The following CDH4 variants were observed in gnomAD, a reference collection of about 807,000 sequenced individuals.
CDH4 encodes cadherin 4.
A neutral mutation model predicts 86.0 loss-of-function variants in CDH4; 33 were observed. That is an observed-to-expected ratio of 0.38 (90% CI 0.29 to 0.51). The LOEUF (loss-of-function observed/expected upper bound fraction) is 0.51. Ranked by LOEUF, CDH4 falls within the 20% of genes least tolerant of loss-of-function variation. CDH4 has a pLI of 0.86. For missense variants in CDH4, 1,114 were observed against 1,307.4 expected (o/e 0.85, Z 2.28); for synonymous variants, 555 against 549.4 (o/e 1.01, Z -0.14).
At chr20:61,363,202 A>G (rs1414915949) in intron 2 of CDH4, among the ~76,000 whole-genome samples, 1 of 151,802 alleles carries the variant, frequency 6.6e-6, no homozygotes, top group Non-Finnish European at 1.5e-5. Context: ...TGAGCTGGCC[A>G]TTTTCTCATC....
In CDH4 at chr20:61,929,704, T is replaced by C. The variant is rs1305825960; in HGVS notation, c.2101T>C (p.Ser701Pro). The change falls in exon 13 of 16, where the codon TCC (serine) becomes CCC (proline). Residue 701 changes from serine (S) to proline (P), a missense_variant. Ser to Pro is a moderately conservative substitution (Grantham distance 74). Coordinates refer to ENST00000614565, the MANE Select transcript of CDH4 (RefSeq NM_001794.5). ...IVTDSGNPPLSNTSIIKVKVC... is the reference protein window; with the variant it reads ...IVTDSGNPPLPNTSIIKVKVC... ...CACAGACTCTGGAAACCCTCCCCTG[T>C]CCAACACGTCCATCATCAAAGTCAA... The C allele has an allele frequency of 6.2e-7, 1 of 1,614,144 alleles. No individual in the cohort carries two copies. Among genetic ancestry groups the C allele is most frequent in the Admixed American group, 1.7e-5 (1 of 60,022 alleles).
intron 2 of CDH4, among the ~76,000 whole-genome samples, chr20:61,413,447 T>C (rs1259453815): frequency 6.6e-6 from 1 of 152,124 alleles, no homozygotes; most frequent in Non-Finnish European, 1.5e-5. Context: ...AACCACTGCC[T>C]AGCTGGTGAC....
intron 2 of CDH4, among the ~76,000 whole-genome samples, chr20:61,573,240 G>A (rs375712475): frequency 6.6e-5 from 10 of 152,212 alleles, no homozygotes; most frequent in African/African-American, 2.2e-4. Flanking sequence ...ACCCAGCAGG[G>A]AACTGAAGCA....
intron 2 of CDH4, among the ~76,000 whole-genome samples, chr20:61,395,228 G>A (rs747564373): frequency 6.6e-6 from 1 of 151,896 alleles, no homozygotes; most frequent in Non-Finnish European, 1.5e-5. Context: ...TTTTAGTCTT[G>A]TAACTCCAAA....
intron 2 of CDH4, among the ~76,000 whole-genome samples, chr20:61,710,157 A>G (rs1411905298): frequency 6.6e-6 from 1 of 152,110 alleles, no homozygotes; most frequent in African/African-American, 2.4e-5. Flanking sequence ...TATCACCCCC[A>G]CTAGCCTCAA....
At chr20:61,729,118 C>T (rs887547191) in intron 2 of CDH4, among the ~76,000 whole-genome samples, 2 of 56,462 alleles carry the variant, frequency 3.5e-5, no homozygotes, top group Non-Finnish European at 1.2e-4. Context: ...GCGCTGACTG[C>T]AGCGTGTTTT....
At chr20:61,691,981 A>G (rs958295150) in intron 2 of CDH4, among the ~76,000 whole-genome samples, 1 of 152,158 alleles carries the variant, frequency 6.6e-6, no homozygotes, top group Non-Finnish European at 1.5e-5. Flanking sequence ...AAAGAAATAA[A>G]CCCTTGCTGT....
Position 61,903,517 on chromosome 20 carries a change from C to T in CDH4, c.1189-6905C>T, listed in dbSNP as rs573239807. On this transcript the variant is annotated intron_variant, in intron 8 of 15. Transcript: ENST00000614565. ...CCAAGATCGAGCAATTGCACTCCAGCGTGGGCAGCAGAAGAGACTCCATAA... is the reference window on the plus strand; with the variant it reads ...CCAAGATCGAGCAATTGCACTCCAGTGTGGGCAGCAGAAGAGACTCCATAA... Among the ~76,000 whole-genome samples the T allele has an allele frequency of 5.4e-3, 642 of 119,682 alleles. 5 individuals carry two copies. The highest frequency in any genetic ancestry group is 0.014 in the Middle Eastern group (2 of 138). 78.5% of individuals were successfully genotyped at this position (119,682 alleles called of 152,430 possible).
At chr20:61,455,456 G>C (rs956718246) in intron 2 of CDH4, among the ~76,000 whole-genome samples, 1 of 152,212 alleles carries the variant, frequency 6.6e-6, no homozygotes, top group Non-Finnish European at 1.5e-5. Context: ...ACAAAGGACA[G>C]CTTCCCTTCT....
At chr20:61,702,379 C>A (rs545275089) in intron 2 of CDH4, among the ~76,000 whole-genome samples, 1 of 152,168 alleles carries the variant, frequency 6.6e-6, no homozygotes, top group Non-Finnish European at 1.5e-5. Context: ...GCAGGAGCCA[C>A]GTAATGGGTC....
At chr20:61,776,793 C>G (rs990371797) in intron 4 of CDH4, among the ~76,000 whole-genome samples, 4 of 152,228 alleles carry the variant, frequency 2.6e-5, no homozygotes, top group Admixed American at 2.6e-4. Context: ...GCGAGGCTTA[C>G]AAGTGGCATA....
intron 2 of CDH4, among the ~76,000 whole-genome samples, chr20:61,447,645 T>C (rs902773340): frequency 3.5e-5 from 4 of 114,172 alleles, no homozygotes; most frequent in African/African-American, 1.4e-4. Flanking sequence ...TTTTTTTTTT[T>C]AGCTTGAGAT....
At chr20:61,695,173 G>A (rs2087703262) in intron 2 of CDH4, among the ~76,000 whole-genome samples, 1 of 152,238 alleles carries the variant, frequency 6.6e-6, no homozygotes, top group South Asian at 2.1e-4. Context: ...TACCTACTTA[G>A]AGTAATTAGC....
At position 61,463,986 on chromosome 20, in the gene CDH4, T is replaced by C. The variant is rs550920640; in HGVS notation, c.169+209049T>C. 2.4e-4 allele frequency among the ~76,000 whole-genome samples: 37 copies of C among 152,322 alleles called. No homozygotes were observed. In the South Asian group the frequency reaches 7.5e-3, roughly 31 times the overall value. Reference sequence around the variant, plus strand: ...ATGACAAAGGAAGGGTTTGAACTTATACCTCTCTTACAGTAGCTCCTGGCT... The same window carrying C: ...ATGACAAAGGAAGGGTTTGAACTTACACCTCTCTTACAGTAGCTCCTGGCT... On this transcript the variant is annotated intron_variant, in intron 2 of 15. Transcript: ENST00000614565.
At chr20:61,722,734 C>T (rs187550740) in intron 2 of CDH4, among the ~76,000 whole-genome samples, 89 of 151,188 alleles carry the variant, frequency 5.9e-4, no homozygotes, top group African/African-American at 2.0e-3. Context: ...GTACTCCTAA[C>T]CCAGCCTGCA....
At chr20:61,571,203 G>T (rs988224694) in intron 2 of CDH4, among the ~76,000 whole-genome samples, 1 of 152,156 alleles carries the variant, frequency 6.6e-6, no homozygotes. Flanking sequence ...TTGGTCTTTT[G>T]TTCTCTGTGG....
intron 2 of CDH4, among the ~76,000 whole-genome samples, chr20:61,383,075 T>A (rs1023728478): frequency 4.9e-5 from 6 of 122,544 alleles, no homozygotes; most frequent in Admixed American, 8.8e-5. Flanking sequence ...CATATATATA[T>A]AATATATATA....
At chr20:61,374,240 C>T (rs917287800) in intron 2 of CDH4, among the ~76,000 whole-genome samples, 22 of 152,118 alleles carry the variant, frequency 1.4e-4, no homozygotes, top group African/African-American at 4.6e-4. Flanking sequence ...TGCAGCGTGA[C>T]GTGGAGGAGA....
At chr20:61,849,448 G>A (rs1486713454) in intron 5 of CDH4, among the ~76,000 whole-genome samples, 6 of 152,212 alleles carry the variant, frequency 3.9e-5, no homozygotes, top group African/African-American at 7.2e-5. Flanking sequence ...AGTCCAGATG[G>A]GCTTGGCTTG....
Sources: gnomAD v4.1 joint callset for allele counts (sites outside exome capture counted in the v4.1 genomes callset) on GRCh38, gnomAD v4.1.1 for gene constraint, MANE v1.5 for transcripts, NCBI Gene and HGNC (gene_info 2026-07-23, HGNC 2026-07-21) for gene names.